Variants in ANKRD46 observed in about 807,000 individuals in gnomAD.
The protein encoded by ANKRD46 is ankyrin repeat domain-containing protein 46.
In ANKRD46, 13 loss-of-function variants were observed where a neutral mutation model predicts 19.8. The ratio of observed to expected loss-of-function variants is 0.66; its 90% CI spans 0.43 to 1.04. The LOEUF (loss-of-function observed/expected upper bound fraction) is 1.04. ANKRD46 is among the 50% of genes least tolerant of loss of function. The probability of loss-of-function intolerance (pLI) is 0.00; values close to 1 mark genes in which losing one functional copy is unlikely to be tolerated. For synonymous variants in ANKRD46, 91 were observed against 106.9 expected (o/e 0.85, Z 0.92); for missense variants, 185 against 274.8 (o/e 0.67, Z 2.31).
In ANKRD46 at chr8:100,547,170, G is replaced by A. The variant is rs192688831; in HGVS notation, c.-131+12541C>T. 3.2e-3 allele frequency among the ~76,000 whole-genome samples: 485 copies of A among 152,246 alleles called. 3 individuals are homozygous for A. The highest frequency in any genetic ancestry group is 9.9e-3 in the African/African-American group (413 of 41,534). On this transcript the variant is annotated intron_variant, in intron 1 of 4. Coordinates refer to ENST00000335659, the MANE Select transcript of ANKRD46 (RefSeq NM_001270377.2). ...TGTGAAAAGGACATGAGATTTGGGA[G>A]GGGCCAGGAGCAGAACTATATGGTT...
Position 100,521,209 on chromosome 8 carries a change from G to T in ANKRD46, c.*1346C>A. ...AAGAGAAAATACCAAGAAGCAAAAA[G>T]AATCACAGAAATACCAATTCTATTC... On this transcript the variant is annotated 3_prime_UTR_variant, in exon 5 of 5. Transcript: ENST00000335659. 1.0e-6 allele frequency: 1 copy of T among 984,716 alleles called. No individual in the cohort carries two copies. Among genetic ancestry groups the T allele is most frequent in the Non-Finnish European group, 1.2e-6 (1 of 829,786 alleles). The allele number at this position is 984,716 out of a possible 1,614,324, so 61.0% of individuals were successfully genotyped here. A position where few individuals can be genotyped will look rare whatever the true frequency, so the allele number is the denominator to read the frequency against.
chr8:100,553,965 A>T (rs1812445354), intron 1 of ANKRD46, among the ~76,000 whole-genome samples: 1 of 152,220 alleles, frequency 6.6e-6, no homozygotes, highest in Non-Finnish European at 1.5e-5. Flanking sequence ...TTGGTACCAT[A>T]CCTAAATAAT....
intron 1 of ANKRD46, among the ~76,000 whole-genome samples, chr8:100,552,272 T>C (rs1217377197): frequency 6.6e-6 from 1 of 152,138 alleles, no homozygotes; most frequent in Non-Finnish European, 1.5e-5. Flanking sequence ...AGATATTGGA[T>C]GATTTCCATT....
intron 1 of ANKRD46, chr8:100,551,379 T>C (rs143760692): frequency 3.4e-6 from 2 of 595,254 alleles, no homozygotes; most frequent in Non-Finnish European, 6.4e-6. Context: ...GGCTCCCCCA[T>C]TAAGTGAGCC....
downstream of ANKRD46, among the ~76,000 whole-genome samples, chr8:100,518,361 C>G (rs1284662452): frequency 6.6e-6 from 1 of 152,118 alleles, no homozygotes; most frequent in African/African-American, 2.4e-5. Flanking sequence ...TCAGGCCCAG[C>G]TACATTAGAA....
downstream of ANKRD46, among the ~76,000 whole-genome samples, chr8:100,518,520 C>T (rs1179631119): frequency 6.6e-6 from 1 of 152,072 alleles, no homozygotes; most frequent in African/African-American, 2.4e-5. Flanking sequence ...CCTTAATTAT[C>T]TCGTGGTTGT....
rs112189274 is a variant in ANKRD46 at position 100,534,440 on chromosome 8, G to A, written c.-130-1129C>T. Among the ~76,000 whole-genome samples the A allele has an allele frequency of 1.3e-5, 2 of 152,238 alleles. No individual in the cohort carries two copies. Among genetic ancestry groups the A allele is most frequent in the African/African-American group, 4.8e-5 (2 of 41,548 alleles). ...GTGATACCACAGTATCAATTTAGAC[G>A]AACTTCATATCACGGAGCCACTTAC... On this transcript the variant is annotated intron_variant, in intron 1 of 4. Coordinates refer to ENST00000335659, the MANE Select transcript of ANKRD46 (RefSeq NM_001270377.2). This position sits in a 1 kb window ranked among gnomAD's most constrained non-coding sequence, Gnocchi z 4.2.
rs1462648934 is a variant in ANKRD46 at position 100,522,490 on chromosome 8, A to G, written c.*65T>C. On this transcript the variant is annotated 3_prime_UTR_variant, in exon 5 of 5. Transcript: ENST00000335659. ...CTTTGCGCTAAGAAAAATTCTGAGA[A>G]ACTGAGAACAAACATTGGAAGCCAG... 6.3e-7 allele frequency: 1 copy of G among 1,583,880 alleles called. No homozygotes were observed. Among genetic ancestry groups the G allele is most frequent in the African/African-American group, 1.4e-5 (1 of 73,824 alleles).
chr8:100,549,094 T>C (rs1397285874), intron 1 of ANKRD46, among the ~76,000 whole-genome samples: 3 of 150,292 alleles, frequency 2.0e-5, no homozygotes, highest in Admixed American at 1.3e-4. Context: ...TTTTATATAA[T>C]ATGGAATACT....
chr8:100,529,887 C>A lies in ANKRD46; in HGVS notation c.-27-27G>T. 1 of 1,536,756 alleles carries A rather than the reference C, an allele frequency of 6.5e-7. No individual in the cohort carries two copies. Among genetic ancestry groups the A allele is most frequent in the East Asian group, 2.3e-5 (1 of 43,946 alleles). On this transcript the variant is annotated intron_variant, in intron 2 of 4. Coordinates refer to ENST00000335659, the MANE Select transcript of ANKRD46 (RefSeq NM_001270377.2). This position sits in a 1 kb window ranked among gnomAD's most constrained non-coding sequence, Gnocchi z 5.8. The stretch of plus-strand genomic sequence containing the variant: ...TGTAATGAAATAGGTGAGTGAGATT[C>A]CATGAAGACAAATGAAATCAAGACA...
At chr8:100,530,462 C>T (rs1811936942) in intron 2 of ANKRD46, among the ~76,000 whole-genome samples, 1 of 151,940 alleles carries the variant, frequency 6.6e-6, no homozygotes, top group Non-Finnish European at 1.5e-5. Context: ...TGGCTCACTG[C>T]AACCTCCATC....
chr8:100,513,364 G>T (rs921592634), intron 5 of ANKRD46, among the ~76,000 whole-genome samples: 1 of 152,080 alleles, frequency 6.6e-6, no homozygotes, highest in African/African-American at 2.4e-5. Flanking sequence ...TTCTTTATGG[G>T]GATAATAACA....
chr8:100,516,233 A>G (rs1811628890), downstream of ANKRD46, among the ~76,000 whole-genome samples: 1 of 152,278 alleles, frequency 6.6e-6, no homozygotes, highest in East Asian at 1.9e-4. Context: ...CTAGAATAGA[A>G]CTCAGGTCAT....
chr8:100,517,368 T>C (rs772555663), downstream of ANKRD46, among the ~76,000 whole-genome samples: 8 of 152,252 alleles, frequency 5.3e-5, no homozygotes, highest in African/African-American at 7.2e-5. Context: ...GGCTACTGCA[T>C]TGGACAGCAT....
intron 1 of ANKRD46, chr8:100,551,787 T>C: frequency 2.3e-6 from 1 of 436,866 alleles, no homozygotes; most frequent in South Asian, 2.1e-5. Flanking sequence ...CATACCCACC[T>C]CTCTTTTTGT....
chr8:100,550,096 G>A lies in ANKRD46; in HGVS notation c.-131+9615C>T, dbSNP rs1812352905. On this transcript the variant is annotated intron_variant, in intron 1 of 4. Coordinates refer to ENST00000335659, the MANE Select transcript of ANKRD46 (RefSeq NM_001270377.2). This position sits in a 1 kb window ranked among gnomAD's most constrained non-coding sequence, Gnocchi z 4.4. ...TGAAGGACATCTTGGTTGCTTCCAT[G>A]TTCTGGCAATTATGAATAAGGCTGA... Among the ~76,000 whole-genome samples the A allele has an allele frequency of 6.6e-6, 1 of 152,174 alleles. No homozygotes were observed. The highest frequency in any genetic ancestry group is 1.5e-5 in the Non-Finnish European group (1 of 68,042).
At chr8:100,530,929 A>C (rs1304987741) in intron 2 of ANKRD46, among the ~76,000 whole-genome samples, 1 of 152,180 alleles carries the variant, frequency 6.6e-6, no homozygotes, top group African/African-American at 2.4e-5. Flanking sequence ...ACTAGGTCTG[A>C]TGTGAATTTC....
rs1811712330 is a variant in ANKRD46, at chr8:100,520,912, TTTG to T, written c.*1640_*1642del. ...CTTACATTTTGACCAATTTTGCATA[TTTG>T]TTTAGATTTACAAACAAATGTAAAG... On this transcript the variant is annotated 3_prime_UTR_variant, in exon 5 of 5. Transcript: ENST00000335659. 1 of 984,852 alleles carries T rather than the reference TTTG, an allele frequency of 1.0e-6. No homozygotes were observed. The highest frequency in any genetic ancestry group is 1.7e-5 in the African/African-American group (1 of 57,220). 61.0% of individuals were successfully genotyped at this position (984,852 alleles called of 1,614,324 possible).
Position 100,528,002 on chromosome 8 carries a change from T to C in ANKRD46, c.313A>G (p.Asn105Asp). Residue 105 changes from asparagine (N) to aspartate (D), a missense_variant and splice_region_variant, in exon 4 of 5, where the codon AAT becomes GAT. Asn to Asp is a conservative substitution (Grantham distance 23, BLOSUM62 1). Transcript: ENST00000335659. Reference sequence around the variant, plus strand: ...ACTAAAGGGGTAGCACCTTGATGATTGCTAAAAAAAAAAAAAAAAAAAAAA... The same window carrying C: ...ACTAAAGGGGTAGCACCTTGATGATCGCTAAAAAAAAAAAAAAAAAAAAAA... Reference protein sequence around the residue: ...VSNGLKIDICNHQGATPLVLA... With the variant: ...VSNGLKIDICDHQGATPLVLA... The C allele has an allele frequency of 7.2e-7, 1 of 1,387,992 alleles. No individual in the cohort carries two copies. The highest frequency in any genetic ancestry group is 9.3e-7 in the Non-Finnish European group (1 of 1,074,180). 86.0% of individuals were successfully genotyped at this position (1,387,992 alleles called of 1,614,324 possible).
Sources: allele counts gnomAD v4.1 joint callset (sites outside exome capture counted in the v4.1 genomes callset), GRCh38; gene constraint gnomAD v4.1.1; non-coding constraint Gnocchi (gnomAD v3.1); transcripts MANE v1.5; gene names NCBI Gene and HGNC (gene_info 2026-07-23, HGNC 2026-07-21).